The following USP48 variants were observed in gnomAD, a reference collection of about 807,000 sequenced individuals.
USP48 encodes the protein ubiquitin carboxyl-terminal hydrolase 48.
Under a neutral mutation model 150.7 loss-of-function variants are expected in USP48, and 43 were observed. The ratio of observed to expected loss-of-function variants is 0.29; its 90% CI spans 0.22 to 0.37. The LOEUF is 0.37. Ranked by LOEUF, USP48 falls within the 10% of genes least tolerant of loss-of-function variation. USP48 has a pLI of 1.00. For missense variants in USP48, 813 were observed against 1,249.6 expected (o/e 0.65, Z 5.27); for synonymous variants, 396 against 425.9 (o/e 0.93, Z 0.86).
chr1:21,752,642 C>A lies in USP48; in HGVS notation c.550G>T (p.Glu184Ter). Residue 184 changes from glutamate (E) to a stop codon, truncating the protein, a stop_gained, in exon 5 of 27, where the codon GAA (glutamate) becomes TAA (stop). Transcript: ENST00000308271. LOFTEE classifies it high-confidence loss of function. ...LDTGQQQDAQEFSKLFMSLLE... is the reference protein window; with the variant it reads ...LDTGQQQDAQ ...AGAGACATAAAGAGCTTTGAAAATT[C>A]TTGAGCATCCTACAAGTTTAGGTTA... 6.3e-7 allele frequency: 1 copy of A among 1,594,812 alleles called. No individual in the cohort carries two copies. The highest frequency in any genetic ancestry group is 8.5e-7 in the Non-Finnish European group (1 of 1,175,300).
intron 8 of USP48, 32 bp downstream of exon 8, chr1:21,747,035 T>C (rs747654570): frequency 2.0e-6 from 3 of 1,499,766 alleles, no homozygotes; most frequent in Non-Finnish European, 2.7e-6. Flanking sequence ...TCTCTGAGCA[T>C]TATAATGTTT....
chr1:21,690,512 T>C (rs1468956046), intron 23 of USP48, among the ~76,000 whole-genome samples: 1 of 150,954 alleles, frequency 6.6e-6, no homozygotes, highest in East Asian at 1.9e-4. Context: ...ATTCTTTCTT[T>C]TTTCTTTTTC....
intron 1 of USP48, among the ~76,000 whole-genome samples, chr1:21,762,248 G>A (rs1324680092): frequency 6.6e-6 from 1 of 151,782 alleles, no homozygotes; most frequent in Non-Finnish European, 1.5e-5. Context: ...GCCAGGCTGG[G>A]CAACAGAGCG....
At chr1:21,686,883 C>T in intron 25 of USP48, 1 of 351,834 alleles carries the variant, frequency 2.8e-6, no homozygotes, top group South Asian at 3.7e-5. Flanking sequence ...TTCAGAGGTA[C>T]CTAGGCCTCT....
chr1:21,767,826 T>C (rs1007671600), intron 1 of USP48, among the ~76,000 whole-genome samples: 1 of 152,216 alleles, frequency 6.6e-6, no homozygotes. Flanking sequence ...AGGTTCTAGT[T>C]ACTAAAAACT....
chr1:21,757,419 G>C (rs926375035), intron 2 of USP48: 1 of 332,030 alleles, frequency 3.0e-6, no homozygotes, highest in African/African-American at 2.1e-5. Flanking sequence ...AGCAAACATA[G>C]AATCAGCATT....
intron 1 of USP48, among the ~76,000 whole-genome samples, chr1:21,780,317 A>G (rs2097911241): frequency 1.3e-5 from 2 of 152,244 alleles, no homozygotes; most frequent in African/African-American, 4.8e-5. Flanking sequence ...CACGTACTGT[A>G]TAATTCCATT....
intron 23 of USP48, among the ~76,000 whole-genome samples, chr1:21,693,809 G>A (rs1301317544): frequency 6.6e-6 from 1 of 152,206 alleles, no homozygotes; most frequent in Non-Finnish European, 1.5e-5. Context: ...TATTTTCAGA[G>A]CCATGGGTTC....
intron 1 of USP48, among the ~76,000 whole-genome samples, chr1:21,774,552 TGG>T (rs2097892193): frequency 6.6e-6 from 1 of 151,528 alleles, no homozygotes; most frequent in Non-Finnish European, 1.5e-5. Context: ...CCGGGTGTGG[TGG>T]GGCGCCCCTG....
In USP48 at chr1:21,694,600, A is replaced by C. The variant is rs1464227446; in HGVS notation, c.2883+466T>G. On this transcript the variant is annotated intron_variant, in intron 23 of 26. Coordinates refer to ENST00000308271, the MANE Select transcript of USP48 (RefSeq NM_032236.8). The stretch of plus-strand genomic sequence containing the variant: ...AAAAAAAAAAAAAAAAAAAAAAAAA[A>C]AAAAAAACCCCCTCTATCTATCAAA... Among the ~76,000 whole-genome samples, 11 of 84,286 alleles carry C rather than the reference A, an allele frequency of 1.3e-4. 1 individual carries two copies. The highest frequency in any genetic ancestry group is 3.5e-4 in the African/African-American group (11 of 31,052). The allele number at this position is 84,286 out of a possible 152,430, so 55.3% of individuals were successfully genotyped here. A position where few individuals can be genotyped will look rare whatever the true frequency, so the allele number is the denominator to read the frequency against.
chr1:21,756,476 A>C (rs1286922298), intron 3 of USP48, 70 bp downstream of exon 3: 1 of 153,068 alleles, frequency 6.5e-6, no homozygotes, highest in East Asian at 1.9e-4. Context: ...GGAAGACTCA[A>C]AAAAAAAAAA....
chr1:21,694,403 T>C (rs1363252523), intron 23 of USP48, among the ~76,000 whole-genome samples: 2 of 151,152 alleles, frequency 1.3e-5, no homozygotes, highest in Non-Finnish European at 2.9e-5. Flanking sequence ...AAACCCTGTC[T>C]CTACTAAAAA....
Position 21,701,603 on chromosome 1 carries a change from C to T in USP48, c.2623-1G>A. 1 of 1,613,358 alleles carries T rather than the reference C, an allele frequency of 6.2e-7. No homozygotes were observed. The highest frequency in any genetic ancestry group is 8.5e-7 in the Non-Finnish European group (1 of 1,179,486). ...GTTCCGGAGCCGAATCCTTCATCAC[C>T]TGAATGTGCCAGGACAACAAAGAGA... On this transcript the variant is annotated splice_acceptor_variant, in intron 21 of 26. Coordinates refer to ENST00000308271, the MANE Select transcript of USP48 (RefSeq NM_032236.8). LOFTEE classifies it high-confidence loss of function.
chr1:21,764,453 A>G (rs1380298176), intron 1 of USP48, among the ~76,000 whole-genome samples: 1 of 150,836 alleles, frequency 6.6e-6, no homozygotes, highest in Non-Finnish European at 1.5e-5. Context: ...AAAAAAAAAA[A>G]GCCTGGGCGC....
chr1:21,741,368 C>A (rs1207663916), intron 8 of USP48, among the ~76,000 whole-genome samples: 1 of 152,192 alleles, frequency 6.6e-6, no homozygotes, highest in African/African-American at 2.4e-5. Context: ...ACAACGGATG[C>A]CCCAAGGCAA....
intron 3 of USP48, among the ~76,000 whole-genome samples, chr1:21,753,823 TAAA>T (rs11308463): frequency 2.3e-5 from 2 of 86,652 alleles, no homozygotes; most frequent in Non-Finnish European, 2.2e-5. Context: ...CGAGACTCTT[TAAA>T]AAAAAAAAAA....
intron 15 of USP48, among the ~76,000 whole-genome samples, chr1:21,710,083 C>T (rs2097686355): frequency 6.6e-6 from 1 of 152,088 alleles, no homozygotes; most frequent in Admixed American, 6.6e-5. Flanking sequence ...TTGGGTTGCT[C>T]TTTTCACTGG....
Position 21,781,649 on chromosome 1 carries a change from G to C in USP48, c.134+1175C>G, listed in dbSNP as rs143109042. Among the ~76,000 whole-genome samples the C allele has an allele frequency of 2.0e-4, 31 of 152,310 alleles. No individual in the cohort carries two copies. In the East Asian group the frequency reaches 5.6e-3, roughly 27 times the overall value. On this transcript the variant is annotated intron_variant, in intron 1 of 26. Transcript: ENST00000308271. ...CTCCGGAGGCCGAGGTGGGAGGATC[G>C]CTTGAGCCTGGGAAACGGAGGTTGC... is the stretch of plus-strand genomic sequence containing the variant.
Position 21,766,122 on chromosome 1 carries a change from C to T in USP48, c.135-8339G>A, listed in dbSNP as rs565748862. Reference sequence around the variant, plus strand: ...GTGGCTCACACCCGTAGTCCCAGCACTCTGAAAGGCCGAGGCGGGAGGATC... The same window carrying T: ...GTGGCTCACACCCGTAGTCCCAGCATTCTGAAAGGCCGAGGCGGGAGGATC... On this transcript the variant is annotated intron_variant, in intron 1 of 26. Coordinates refer to ENST00000308271, the MANE Select transcript of USP48 (RefSeq NM_032236.8). Among the ~76,000 whole-genome samples the T allele has an allele frequency of 3.3e-5, 5 of 152,202 alleles. No individual in the cohort carries two copies. The South Asian group carries it at 1.0e-3, about 32-fold the overall frequency.
Sources: allele counts gnomAD v4.1 joint callset (sites outside exome capture counted in the v4.1 genomes callset), GRCh38; gene constraint gnomAD v4.1.1; transcripts MANE v1.5; gene names NCBI Gene and HGNC (gene_info 2026-07-23, HGNC 2026-07-21).